ADAM18: variants seen among roughly 807,000 people sequenced by gnomAD.
ADAM18 encodes disintegrin and metalloproteinase domain-containing protein 18.
A neutral mutation model predicts 94.4 loss-of-function variants in ADAM18; 117 were observed. The ratio of observed to expected loss-of-function variants is 1.24; its 90% CI spans 1.07 to 1.45. The LOEUF (loss-of-function observed/expected upper bound fraction) is 1.45. ADAM18 is among the 40% of genes most tolerant of loss of function. ADAM18 has a pLI of 0.00. For missense variants in ADAM18, 936 were observed against 880.0 expected (o/e 1.06, Z -0.81); for synonymous variants, 327 against 291.6 (o/e 1.12, Z -1.24).
intron 3 of ADAM18, among the ~76,000 whole-genome samples, chr8:39,608,756 C>T (rs1270488438): frequency 1.3e-5 from 2 of 152,064 alleles, no homozygotes; most frequent in Non-Finnish European, 2.9e-5. Flanking sequence ...GAGGGTCCGT[C>T]AGATAGTGAA....
chr8:39,590,239 G>T (rs1036527538), intron 2 of ADAM18, among the ~76,000 whole-genome samples: 26 of 151,462 alleles, frequency 1.7e-4, no homozygotes, highest in Non-Finnish European at 3.1e-4. Context: ...TATACACCAT[G>T]GAATACTATG....
chr8:39,615,645 C>T (rs1199855232), intron 6 of ADAM18, among the ~76,000 whole-genome samples: 1 of 152,092 alleles, frequency 6.6e-6, no homozygotes, highest in Non-Finnish European at 1.5e-5. Context: ...CTCTTAAGAA[C>T]CAGAACAAGA....
intron 1 of ADAM18, 64 bp downstream of exon 1, chr8:39,584,741 A>G: frequency 6.4e-7 from 1 of 1,570,812 alleles, no homozygotes; most frequent in Non-Finnish European, 8.7e-7. Flanking sequence ...TCTTACTGGG[A>G]GCAGTTTCTT....
intron 7 of ADAM18, among the ~76,000 whole-genome samples, chr8:39,631,427 C>T (rs989335581): frequency 3.9e-5 from 6 of 151,992 alleles, no homozygotes; most frequent in African/African-American, 1.4e-4. Flanking sequence ...GCTCCATCTC[C>T]ACTTACGGAA....
At chr8:39,687,053 G>A (rs1821626061) in intron 16 of ADAM18, among the ~76,000 whole-genome samples, 1 of 152,098 alleles carries the variant, frequency 6.6e-6, no homozygotes, top group Non-Finnish European at 1.5e-5. Context: ...AGAATGGATT[G>A]CAGAAATACA....
At position 39,599,062 on chromosome 8, in the gene ADAM18, C is replaced by T. The variant is rs145071419; in HGVS notation, c.133-7245C>T. Among the ~76,000 whole-genome samples the T allele has an allele frequency of 2.8e-3, 422 of 152,124 alleles. 2 individuals carry two copies. Among genetic ancestry groups the T allele is most frequent in the Non-Finnish European group, 3.6e-3 (243 of 67,992 alleles). ...CTGACCTCTGGTGATCCACTCACCTCGGCTTCCCAAAGCGCTAGGATTACA... is the reference window on the plus strand; with the variant it reads ...CTGACCTCTGGTGATCCACTCACCTTGGCTTCCCAAAGCGCTAGGATTACA... On this transcript the variant is annotated intron_variant, in intron 2 of 19. Transcript: ENST00000265707.
chr8:39,708,187 G>A (rs1822293040), intron 18 of ADAM18, among the ~76,000 whole-genome samples: 1 of 152,282 alleles, frequency 6.6e-6, no homozygotes, highest in African/African-American at 2.4e-5. Flanking sequence ...GACAGTGGTT[G>A]CCCATGGTTG....
chr8:39,631,155 C>A lies in ADAM18; in HGVS notation c.588+1716C>A, dbSNP rs1247216113. Among the ~76,000 whole-genome samples the A allele has an allele frequency of 4.6e-5, 7 of 151,964 alleles. No homozygotes were observed. In the East Asian group the frequency reaches 1.4e-3, roughly 29 times the overall value. The stretch of plus-strand genomic sequence containing the variant: ...AAGGCTATTTTCTCGTAGTCTGTGG[C>A]TTAATTTTAAACTCATTTAATGATG... On this transcript the variant is annotated intron_variant, in intron 7 of 19. Transcript: ENST00000265707.
At chr8:39,643,345 A>G (rs896966310) in intron 10 of ADAM18, among the ~76,000 whole-genome samples, 1 of 152,006 alleles carries the variant, frequency 6.6e-6, no homozygotes, top group African/African-American at 2.4e-5. Flanking sequence ...ATCTAGAGCC[A>G]CTTTTAAGGA....
intron 18 of ADAM18, among the ~76,000 whole-genome samples, chr8:39,717,240 C>G (rs1355441792): frequency 6.6e-6 from 1 of 151,774 alleles, no homozygotes; most frequent in Non-Finnish European, 1.5e-5. Flanking sequence ...CCCTCCTCCA[C>G]TCTGTGTTAT....
intron 17 of ADAM18, among the ~76,000 whole-genome samples, chr8:39,701,117 CAAA>C (rs71237188): frequency 1.3e-3 from 46 of 34,538 alleles, no homozygotes; most frequent in South Asian, 9.1e-3. Flanking sequence ...GACTCTGTCT[CAAA>C]AAAAAAAAAA....
intron 7 of ADAM18, among the ~76,000 whole-genome samples, chr8:39,635,003 G>A (rs1160892087): frequency 1.3e-5 from 2 of 152,068 alleles, no homozygotes; most frequent in Non-Finnish European, 2.9e-5. Flanking sequence ...TAAGGAATGG[G>A]ACCATTTAGA....
intron 14 of ADAM18, among the ~76,000 whole-genome samples, chr8:39,671,838 A>G (rs1415820397): frequency 6.6e-6 from 1 of 152,210 alleles, no homozygotes; most frequent in African/African-American, 2.4e-5. Flanking sequence ...TAAGGAAACT[A>G]TACTCCAAAA....
At chr8:39,593,671 T>C (rs761124505) in intron 2 of ADAM18, among the ~76,000 whole-genome samples, 3 of 152,146 alleles carry the variant, frequency 2.0e-5, no homozygotes, top group Non-Finnish European at 4.4e-5. Flanking sequence ...CTATCTTCTG[T>C]CAGGTTTTGC....
At chr8:39,586,798 ATCTATATCTATC>A (rs1563263597) in intron 2 of ADAM18, among the ~76,000 whole-genome samples, 1 of 138,064 alleles carries the variant, frequency 7.2e-6, no homozygotes, top group Non-Finnish European at 1.6e-5. Flanking sequence ...CTATCTATCT[ATCTATATCTATC>A]TATCTATCAT....
Position 39,729,923 on chromosome 8 carries a change from G to A in ADAM18, c.2203G>A (p.Asp735Asn), listed in dbSNP as rs184662370. The change falls in exon 20 of 20, where the codon GAT becomes AAT. Residue 735 changes from aspartate to asparagine, a missense_variant. By Grantham distance (23) the Asp-to-Asn change is conservative. Transcript: ENST00000265707. Reference protein sequence around the residue: ...NRNSSVVSESDDVGH With the variant: ...NRNSSVVSESNDVGH ...TAATTCATCCGTTGTATCAGAAAGC[G>A]ATGACGTGGGACATTAATATTGCAC... The A allele has an allele frequency of 9.3e-6, 15 of 1,613,122 alleles. No individual in the cohort carries two copies. Among genetic ancestry groups the A allele is most frequent in the East Asian group, 4.5e-5 (2 of 44,882 alleles).
intron 19 of ADAM18, among the ~76,000 whole-genome samples, chr8:39,728,895 T>C (rs1390703087): frequency 6.6e-6 from 1 of 152,162 alleles, no homozygotes; most frequent in African/African-American, 2.4e-5. Context: ...GGCAAAAAAA[T>C]TGAAATTAGG....
chr8:39,645,869 C>T (rs772190274), intron 11 of ADAM18, among the ~76,000 whole-genome samples: 1 of 152,062 alleles, frequency 6.6e-6, no homozygotes, highest in African/African-American at 2.4e-5. Flanking sequence ...TATTTATACA[C>T]TAATTTTGTG....
chr8:39,703,388 A>G (rs1190524287), intron 17 of ADAM18, among the ~76,000 whole-genome samples: 1 of 152,094 alleles, frequency 6.6e-6, no homozygotes, highest in African/African-American at 2.4e-5. Context: ...AGGCTGAGAC[A>G]ATGAGGTTAT....
Sources: gnomAD v4.1 joint callset for allele counts (sites outside exome capture counted in the v4.1 genomes callset) on GRCh38, gnomAD v4.1.1 for gene constraint, MANE v1.5 for transcripts, NCBI Gene and HGNC (gene_info 2026-07-23, HGNC 2026-07-21) for gene names.